Variants in PCDHGA9 observed in about 807,000 individuals in gnomAD.
The protein encoded by PCDHGA9 is protocadherin gamma-A9.
Under a neutral mutation model 62.5 loss-of-function variants are expected in PCDHGA9, and 37 were observed. That is an observed-to-expected ratio of 0.59 (90% CI 0.46 to 0.78). The LOEUF is 0.78. PCDHGA9 is among the 30% of genes least tolerant of loss of function. The probability of loss-of-function intolerance (pLI) is 0.00; values close to 1 mark genes in which losing one functional copy is unlikely to be tolerated. For synonymous variants in PCDHGA9, 459 were observed against 484.6 expected (o/e 0.95, Z 0.69); for missense variants, 1,138 against 1,166.2 (o/e 0.98, Z 0.35).
At chr5:141,433,395 C>CTATA (rs1426636882) in intron 1 of PCDHGA9, among the ~76,000 whole-genome samples, 2 of 150,654 alleles carry the variant, frequency 1.3e-5, no homozygotes, top group African/African-American at 4.9e-5. Context: ...ATCTATCTAT[C>CTATA]TATCTATCTA....
At chr5:141,502,708 A>G (rs1172090234) in intron 2 of PCDHGA9, among the ~76,000 whole-genome samples, 1 of 152,204 alleles carries the variant, frequency 6.6e-6, no homozygotes, top group Non-Finnish European at 1.5e-5. Flanking sequence ...CTGTTTTTAC[A>G]TCAGTGATTA....
At chr5:141,472,347 C>G (rs992566469) in intron 1 of PCDHGA9, among the ~76,000 whole-genome samples, 11 of 152,028 alleles carry the variant, frequency 7.2e-5, no homozygotes, top group Non-Finnish European at 1.2e-4. Context: ...CGAGACCATC[C>G]TGGCTAACAC....
chr5:141,418,498 C>T (rs181453589), intron 1 of PCDHGA9: 10 of 1,613,968 alleles, frequency 6.2e-6, no homozygotes, highest in East Asian at 2.2e-5. Context: ...TGGTACTGAC[C>T]GCCTTAGATG....
chr5:141,423,782 C>A (rs1458189260), intron 1 of PCDHGA9: 2 of 1,243,328 alleles, frequency 1.6e-6, no homozygotes, highest in Non-Finnish European at 1.0e-6. Context: ...ATATTTAGTT[C>A]ATATATATTT....
chr5:141,431,700 TC>T lies in PCDHGA9; in HGVS notation c.2424+26325del. On this transcript the variant is annotated intron_variant, in intron 1 of 3. Coordinates refer to ENST00000573521, the MANE Select transcript of PCDHGA9 (RefSeq NM_018921.3). The surrounding 1 kb of genome is among the most constrained non-coding windows in gnomAD (Gnocchi z 4.8). ...GAGTTGGACCACGAGGAGTCAGGAT[TC>T]TACCAGATGGAAGTGCAAGCAATGG... 6.2e-7 allele frequency: 1 copy of T among 1,614,218 alleles called. No individual in the cohort carries two copies.
chr5:141,487,237 T>G lies in PCDHGA9; in HGVS notation c.2425-7570T>G, dbSNP rs1327004790. ...CAGCTCCAAGGGAAGGAGAATCTCGTCTAACCCTCTACTTGGCTGTGTCCC... is the reference window on the plus strand; with the variant it reads ...CAGCTCCAAGGGAAGGAGAATCTCGGCTAACCCTCTACTTGGCTGTGTCCC... On this transcript the variant is annotated intron_variant, in intron 1 of 3. Transcript: ENST00000573521. This position sits in a 1 kb window ranked among gnomAD's most constrained non-coding sequence, Gnocchi z 5.0. 1.2e-6 allele frequency: 2 copies of G among 1,614,004 alleles called. No individual in the cohort carries two copies. The highest frequency in any genetic ancestry group is 1.7e-6 in the Non-Finnish European group (2 of 1,179,988).
intron 1 of PCDHGA9, among the ~76,000 whole-genome samples, chr5:141,447,728 A>G (rs2098549955): frequency 6.6e-6 from 1 of 152,204 alleles, no homozygotes; most frequent in Non-Finnish European, 1.5e-5. Flanking sequence ...TCCAAAACTC[A>G]TTGAACTTAA....
chr5:141,467,681 A>G (rs2099148744), intron 1 of PCDHGA9, among the ~76,000 whole-genome samples: 1 of 152,076 alleles, frequency 6.6e-6, no homozygotes, highest in African/African-American at 2.4e-5. Flanking sequence ...TATTTTTTTT[A>G]GACAGGGTCT....
intron 1 of PCDHGA9, among the ~76,000 whole-genome samples, chr5:141,467,055 C>CTTT (rs1193465269): frequency 2.2e-5 from 3 of 134,494 alleles, no homozygotes; most frequent in Admixed American, 7.5e-5. Context: ...TCAATGTTTT[C>CTTT]TTTTTTTTTT....
chr5:141,428,043 A>C (rs765740380), intron 1 of PCDHGA9: 1 of 1,608,722 alleles, frequency 6.2e-7, no homozygotes, highest in South Asian at 1.1e-5. Context: ...CTACCTGGTG[A>C]CCAAGGTGGT....
intron 1 of PCDHGA9, among the ~76,000 whole-genome samples, chr5:141,405,996 G>A (rs2094743914): frequency 6.6e-6 from 1 of 151,746 alleles, no homozygotes; most frequent in Non-Finnish European, 1.5e-5. Flanking sequence ...GTAGCTCTCA[G>A]CCTGCATTGA....
At chr5:141,405,489 G>A (rs1008095215) in intron 1 of PCDHGA9, 113 bp downstream of exon 1, 51 of 894,082 alleles carry the variant, frequency 5.7e-5, no homozygotes, top group Non-Finnish European at 7.7e-5. Context: ...GTGTGATCTC[G>A]GCTCATTGCA....
intron 1 of PCDHGA9, among the ~76,000 whole-genome samples, chr5:141,482,914 A>G (rs1023561837): frequency 6.6e-6 from 1 of 152,162 alleles, no homozygotes; most frequent in Non-Finnish European, 1.5e-5. Context: ...TCTATTAAAA[A>G]TACAAAAAAT....
intron 3 of PCDHGA9, among the ~76,000 whole-genome samples, chr5:141,509,069 G>A (rs1463164307): frequency 2.6e-5 from 4 of 152,174 alleles, no homozygotes; most frequent in African/African-American, 9.7e-5. Context: ...CTCAGCTCCG[G>A]GGATTTGCGA....
In PCDHGA9 at chr5:141,403,333, C is replaced by T. The variant is rs376895778; in HGVS notation, c.381C>T (p.Asn127=). Residue 127 remains asparagine, a synonymous_variant, in exon 1 of 4, where the codon AAC becomes AAT. Transcript: ENST00000573521. The part of the protein sequence containing the change: ...YGIEIEVTDI[N]DSAPKFQAES... ...TAGAAATAGAAGTAACTGATATTAA[C>T]GACAGCGCCCCAAAGTTCCAGGCCG... is the stretch of plus-strand genomic sequence containing the variant. 5 of 1,613,866 alleles carry T rather than the reference C, an allele frequency of 3.1e-6. No homozygotes were observed. The African/African-American group carries it at 5.3e-5, about 17-fold the overall frequency.
intron 1 of PCDHGA9, among the ~76,000 whole-genome samples, chr5:141,492,080 G>A (rs576661909): frequency 6.6e-6 from 1 of 152,352 alleles, no homozygotes; most frequent in African/African-American, 2.4e-5. Context: ...GCCGGCTCCG[G>A]CACGCTTCGC....
chr5:141,409,038 A>G (rs571756448), intron 1 of PCDHGA9: 9 of 1,614,026 alleles, frequency 5.6e-6, no homozygotes, highest in Non-Finnish European at 7.6e-6. Flanking sequence ...GAGATAAACT[A>G]CTACTTCCGA....
intron 1 of PCDHGA9, chr5:141,417,666 G>C (rs1487166683): frequency 3.1e-5 from 28 of 917,486 alleles, no homozygotes; most frequent in Non-Finnish European, 4.2e-5. Context: ...GGGATTCCCT[G>C]CGCAGCCAAC....
At position 141,432,688 on chromosome 5, in the gene PCDHGA9, A is replaced by G. The variant is rs143889434; in HGVS notation, c.2424+27312A>G. On this transcript the variant is annotated intron_variant, in intron 1 of 3. Coordinates refer to ENST00000573521, the MANE Select transcript of PCDHGA9 (RefSeq NM_018921.3). The surrounding 1 kb of genome is among the most constrained non-coding windows in gnomAD (Gnocchi z 6.0). ...GAGACGCGCTCAAGCAGAGCCTCGT[A>G]GTGGCCGTCCAGGACCACGGCCAGC... 2,218 of 1,613,894 alleles carry G rather than the reference A, an allele frequency of 1.4e-3. 31 individuals are homozygous for G. The African/African-American group carries it at 0.023, about 17-fold the overall frequency.
Sources: allele counts gnomAD v4.1 joint callset (sites outside exome capture counted in the v4.1 genomes callset), GRCh38; gene constraint gnomAD v4.1.1; non-coding constraint Gnocchi (gnomAD v3.1); transcripts MANE v1.5; gene names NCBI Gene and HGNC (gene_info 2026-07-23, HGNC 2026-07-21).